PCDHGB3: variants seen among roughly 807,000 people sequenced by gnomAD.
PCDHGB3 encodes the protein protocadherin gamma subfamily B, 3.
A neutral mutation model predicts 59.2 loss-of-function variants in PCDHGB3; 40 were observed. That is an observed-to-expected ratio of 0.68 (90% confidence interval 0.52 to 0.88). The LOEUF (loss-of-function observed/expected upper bound fraction) is 0.88. Ranked by LOEUF, PCDHGB3 falls within the 40% of genes least tolerant of loss-of-function variation. PCDHGB3 has a pLI of 0.00. For missense variants in PCDHGB3, 1,309 were observed against 1,187.9 expected (o/e 1.10, Z -1.50); for synonymous variants, 581 against 503.6 (o/e 1.15, Z -2.06).
Position 141,432,878 on chromosome 5 carries a change from TTCGTCA to T in PCDHGB3, c.2415+60072_2415+60077del. 6.2e-7 allele frequency: 1 copy of T among 1,614,178 alleles called. No individual in the cohort carries two copies. The highest frequency in any genetic ancestry group is 1.7e-5 in the Admixed American group (1 of 60,036). Reference sequence around the variant, plus strand: ...CGCGGTCTCCTGCGTCTTCCTGGCCTTCGTCATCTTGCTGCTGGCGCTCAGGCTGCG... The same window carrying T: ...CGCGGTCTCCTGCGTCTTCCTGGCCTTCTTGCTGCTGGCGCTCAGGCTGCG... On this transcript the variant is annotated intron_variant, in intron 1 of 3. Transcript: ENST00000576222. This position sits in a 1 kb window ranked among gnomAD's most constrained non-coding sequence, Gnocchi z 6.0.
At position 141,477,210 on chromosome 5, in the gene PCDHGB3, C is replaced by A. The variant is rs780852225; in HGVS notation, c.2416-17597C>A. On this transcript the variant is annotated intron_variant, in intron 1 of 3. Transcript: ENST00000576222. This position sits in a 1 kb window ranked among gnomAD's most constrained non-coding sequence, Gnocchi z 4.9. ...GTGTACAGCCCAGTACCCGAGGATG[C>A]CCCTCTGGGGACTGTCATCGCTTTG... The A allele has an allele frequency of 6.2e-7, 1 of 1,614,142 alleles. No homozygotes were observed. The highest frequency in any genetic ancestry group is 8.5e-7 in the Non-Finnish European group (1 of 1,180,030).
chr5:141,499,401 C>A lies in PCDHGB3; in HGVS notation c.2474+4536C>A, dbSNP rs115575614. ...TTCCACTTATAAAATAGTACATGCTCATTATAGAAACATGAAAAATAGAAA... is the reference window on the plus strand; with the variant it reads ...TTCCACTTATAAAATAGTACATGCTAATTATAGAAACATGAAAAATAGAAA... On this transcript the variant is annotated intron_variant, in intron 2 of 3. Coordinates refer to ENST00000576222, the MANE Select transcript of PCDHGB3 (RefSeq NM_018924.5). Among the ~76,000 whole-genome samples, 871 of 152,186 alleles carry A rather than the reference C, an allele frequency of 5.7e-3. 5 individuals are homozygous for A. Among genetic ancestry groups the A allele is most frequent in the African/African-American group, 0.02 (847 of 41,502 alleles).
At position 141,490,591 on chromosome 5, in the gene PCDHGB3, G is replaced by A; in HGVS notation, c.2416-4216G>A. 1 of 1,614,100 alleles carries A rather than the reference G, an allele frequency of 6.2e-7. No homozygotes were observed. Among genetic ancestry groups the A allele is most frequent in the African/African-American group, 1.3e-5 (1 of 75,016 alleles). ...CAACATTTCAGATGTCAATGACAAT[G>A]CACCCCGCTTCAACCAGCAGCTTTA... On this transcript the variant is annotated intron_variant, in intron 1 of 3. Coordinates refer to ENST00000576222, the MANE Select transcript of PCDHGB3 (RefSeq NM_018924.5). This position sits in a 1 kb window ranked among gnomAD's most constrained non-coding sequence, Gnocchi z 5.4.
chr5:141,375,007 C>T (rs369489853), intron 1 of PCDHGB3: 1 of 1,614,000 alleles, frequency 6.2e-7, no homozygotes, highest in African/African-American at 1.3e-5. Context: ...CAAATCTAGA[C>T]TATGAGGACT....
At chr5:141,406,267 G>A (rs2094786630) in intron 1 of PCDHGB3, among the ~76,000 whole-genome samples, 1 of 151,854 alleles carries the variant, frequency 6.6e-6, no homozygotes, top group African/African-American at 2.4e-5. Context: ...CGATCTTCCT[G>A]CTTCAGTTTC....
intron 1 of PCDHGB3, chr5:141,389,614 C>G: frequency 6.2e-7 from 1 of 1,613,062 alleles, no homozygotes; most frequent in South Asian, 1.1e-5. Flanking sequence ...GATATGGTGC[C>G]GCACGCTGCA....
chr5:141,410,714 T>C (rs1561730445), intron 1 of PCDHGB3: 7 of 1,434,512 alleles, frequency 4.9e-6, no homozygotes, highest in Middle Eastern at 1.8e-4. Flanking sequence ...TAGAATCATA[T>C]GTTTAAAATC....
At position 141,511,187 on chromosome 5, in the gene PCDHGB3, C is replaced by T; in HGVS notation, c.*14C>T. The stretch of plus-strand genomic sequence containing the variant: ...GAGAAGAAGTAACATGGAGGCCAGG[C>T]CAAGAGCCACAGGGCGGCCTCTCCC... On this transcript the variant is annotated 3_prime_UTR_variant, in exon 4 of 4. Transcript: ENST00000576222. The T allele has an allele frequency of 1.2e-6, 2 of 1,613,868 alleles. No homozygotes were observed. The highest frequency in any genetic ancestry group is 1.7e-6 in the Non-Finnish European group (2 of 1,179,878).
In PCDHGB3 at chr5:141,486,005, A is replaced by G. The variant is rs1057476811; in HGVS notation, c.2416-8802A>G. On this transcript the variant is annotated intron_variant, in intron 1 of 3. Transcript: ENST00000576222. This position sits in a 1 kb window ranked among gnomAD's most constrained non-coding sequence, Gnocchi z 5.0. Reference sequence around the variant, plus strand: ...GGACCTGGGTCCCAGTGGTAACGTCACCTTTTATTTCAGTGGTCATACCCC... The same window carrying G: ...GGACCTGGGTCCCAGTGGTAACGTCGCCTTTTATTTCAGTGGTCATACCCC... 1.9e-6 allele frequency: 3 copies of G among 1,613,936 alleles called. No homozygotes were observed. The Admixed American group carries it at 5.0e-5, about 27-fold the overall frequency.
At chr5:141,375,754 C>A (rs764343077) in intron 1 of PCDHGB3, 1 of 1,614,244 alleles carries the variant, frequency 6.2e-7, no homozygotes, top group East Asian at 2.2e-5. Flanking sequence ...ACCAGAATGA[C>A]AATGCGCCCG....
chr5:141,376,214 C>T, intron 1 of PCDHGB3: 1 of 1,614,204 alleles, frequency 6.2e-7, no homozygotes, highest in Non-Finnish European at 8.5e-7. Flanking sequence ...CGTCATCGTG[C>T]TGCTGGCGCT....
chr5:141,475,950 C>A, intron 1 of PCDHGB3: 1 of 761,530 alleles, frequency 1.3e-6, no homozygotes, highest in African/African-American at 1.7e-5. Flanking sequence ...CCCCTTTCTG[C>A]GCCCCGGGAT....
At chr5:141,499,244 CAA>C (rs1191956146) in intron 2 of PCDHGB3, among the ~76,000 whole-genome samples, 1 of 152,090 alleles carries the variant, frequency 6.6e-6, no homozygotes, top group Non-Finnish European at 1.5e-5. Flanking sequence ...AGCCTCTGCA[CAA>C]AGAGTCTCCA....
In PCDHGB3 at chr5:141,477,681, T is replaced by G; in HGVS notation, c.2416-17126T>G. On this transcript the variant is annotated intron_variant, in intron 1 of 3. Transcript: ENST00000576222. This position sits in a 1 kb window ranked among gnomAD's most constrained non-coding sequence, Gnocchi z 4.9. ...CGTGACAATGGCATAGTGTCATCCT[T>G]AGTGCCCCTAGACTATGAGGATCGG... 1 of 1,614,180 alleles carries G rather than the reference T, an allele frequency of 6.2e-7. No individual in the cohort carries two copies. Among genetic ancestry groups the G allele is most frequent in the Non-Finnish European group, 8.5e-7 (1 of 1,180,046 alleles).
At chr5:141,387,891 A>T (rs774395551) in intron 1 of PCDHGB3, 36 of 1,554,882 alleles carry the variant, frequency 2.3e-5, no homozygotes, top group Non-Finnish European at 2.9e-5. Context: ...AGGGATGGGG[A>T]GCGGCGCCGG....
At chr5:141,430,878 A>G in intron 1 of PCDHGB3, 1 of 1,600,748 alleles carries the variant, frequency 6.2e-7, no homozygotes, top group Admixed American at 1.8e-5. Context: ...GAAGAGCTGG[A>G]GAAAGGCTCT....
chr5:141,409,748 G>C, intron 1 of PCDHGB3: 2 of 1,613,018 alleles, frequency 1.2e-6, no homozygotes, highest in South Asian at 2.2e-5. Context: ...GGTGGTGTTC[G>C]CGCAGCGCGC....
At chr5:141,397,693 A>G (rs1389804077) in intron 1 of PCDHGB3, among the ~76,000 whole-genome samples, 2 of 152,244 alleles carry the variant, frequency 1.3e-5, no homozygotes, top group East Asian at 1.9e-4. Flanking sequence ...TTGTATAAAA[A>G]CCCAACGTGA....
rs768079276 is a variant in PCDHGB3, at chr5:141,490,997, G to A, written c.2416-3810G>A. On this transcript the variant is annotated intron_variant, in intron 1 of 3. Transcript: ENST00000576222. The surrounding 1 kb of genome is among the most constrained non-coding windows in gnomAD (Gnocchi z 5.4). ...CGTCTCCCTCGCTCTGCTCCTCCTG[G>A]CTCCTTGGTCACCAAGGTGACAGCC... 1.2e-6 allele frequency: 2 copies of A among 1,614,032 alleles called. No individual in the cohort carries two copies. Among genetic ancestry groups the A allele is most frequent in the Admixed American group, 1.7e-5 (1 of 60,030 alleles).
Sources: gnomAD v4.1 joint callset for allele counts (sites outside exome capture counted in the v4.1 genomes callset) on GRCh38, gnomAD v4.1.1 for gene constraint, Gnocchi (gnomAD v3.1) non-coding constraint, MANE v1.5 for transcripts, NCBI Gene and HGNC (gene_info 2026-07-23, HGNC 2026-07-21) for gene names.